MGMT: variants seen among roughly 807,000 people sequenced by gnomAD.
MGMT encodes O-6-methylguanine-DNA methyltransferase.
Under a neutral mutation model 15.9 loss-of-function variants are expected in MGMT, and 14 were observed. That is an observed-to-expected ratio of 0.88 (90% CI 0.58 to 1.37). The LOEUF is 1.37. MGMT is among the 40% of genes most tolerant of loss of function. The pLI is 0.00. For synonymous variants in MGMT, 130 were observed against 118.2 expected (o/e 1.10, Z -0.65); for missense variants, 282 against 268.1 (o/e 1.05, Z -0.36).
intron 2 of MGMT, among the ~76,000 whole-genome samples, chr10:129,574,317 T>G (rs535754455): frequency 3.0e-4 from 45 of 152,350 alleles, no homozygotes; most frequent in East Asian, 3.9e-4. Flanking sequence ...GGCCTATGCC[T>G]TGGCAGCCCT....
chr10:129,675,784 G>A (rs935083063), intron 2 of MGMT, among the ~76,000 whole-genome samples: 5 of 152,154 alleles, frequency 3.3e-5, no homozygotes, highest in African/African-American at 7.2e-5. Context: ...AGGTGGTGTC[G>A]CCAAGGGAGC....
At chr10:129,626,075 G>A (rs1589900907) in intron 2 of MGMT, among the ~76,000 whole-genome samples, 1 of 152,292 alleles carries the variant, frequency 6.6e-6, no homozygotes, top group East Asian at 1.9e-4. Flanking sequence ...TGGGCAGAGT[G>A]GCGATTTGTA....
chr10:129,543,483 C>T (rs890363686), intron 2 of MGMT, among the ~76,000 whole-genome samples: 1 of 152,178 alleles, frequency 6.6e-6, no homozygotes, highest in East Asian at 1.9e-4. Flanking sequence ...CTGGGATTCA[C>T]TGTGAAATTG....
intron 1 of MGMT, among the ~76,000 whole-genome samples, chr10:129,504,752 C>A: frequency 6.6e-6 from 1 of 152,186 alleles, no homozygotes; most frequent in Non-Finnish European, 1.5e-5. Flanking sequence ...ACCTCACATG[C>A]CACCATGGGA....
chr10:129,703,594 C>T (rs556102726), intron 2 of MGMT, among the ~76,000 whole-genome samples: 1 of 152,316 alleles, frequency 6.6e-6, no homozygotes, highest in Admixed American at 6.5e-5. Flanking sequence ...CCAACCAATC[C>T]CACATCCCAG....
intron 2 of MGMT, among the ~76,000 whole-genome samples, chr10:129,647,718 A>G (rs1847413103): frequency 6.6e-6 from 1 of 152,224 alleles, no homozygotes; most frequent in Non-Finnish European, 1.5e-5. Flanking sequence ...CAACAGAAAT[A>G]CAAGTGTCTT....
intron 2 of MGMT, among the ~76,000 whole-genome samples, chr10:129,655,843 G>T (rs917658714): frequency 3.3e-5 from 5 of 152,168 alleles, no homozygotes; most frequent in Admixed American, 2.0e-4. Flanking sequence ...CAGCGCATGT[G>T]TTTCTGGAGG....
intron 2 of MGMT, chr10:129,700,144 A>G (rs796371763): frequency 6.6e-6 from 1 of 152,210 alleles, no homozygotes; most frequent in African/African-American, 2.4e-5. Flanking sequence ...GGTCAGTGCC[A>G]TCGTCATCAT....
At chr10:129,519,998 A>G (rs536764886) in intron 1 of MGMT, among the ~76,000 whole-genome samples, 2 of 152,114 alleles carry the variant, frequency 1.3e-5, no homozygotes, top group African/African-American at 4.8e-5. Context: ...GCAAGACCCT[A>G]TCTCTACCAA....
chr10:129,503,531 G>C (rs945627100), intron 1 of MGMT, among the ~76,000 whole-genome samples: 6 of 152,228 alleles, frequency 3.9e-5, no homozygotes, highest in African/African-American at 1.4e-4. Context: ...TGATATTATG[G>C]CTGGAAGGTG....
chr10:129,728,012 C>T (rs1349543930), intron 3 of MGMT, among the ~76,000 whole-genome samples: 1 of 152,078 alleles, frequency 6.6e-6, no homozygotes, highest in Non-Finnish European at 1.5e-5. Context: ...TCCCTCCAGG[C>T]CAAGAAGGCC....
At chr10:129,492,394 C>T (rs183482498) in intron 1 of MGMT, among the ~76,000 whole-genome samples, 29 of 152,146 alleles carry the variant, frequency 1.9e-4, no homozygotes, top group African/African-American at 6.3e-4. Flanking sequence ...TGAAGCAGGC[C>T]CTTCTCTCTC....
At chr10:129,527,685 G>A (rs1476921772) in intron 1 of MGMT, among the ~76,000 whole-genome samples, 3 of 152,128 alleles carry the variant, frequency 2.0e-5, no homozygotes, top group Non-Finnish European at 4.4e-5. Flanking sequence ...TCTGGTGGTT[G>A]TGGCTGCAGC....
chr10:129,702,646 G>A (rs1848112403), intron 2 of MGMT, among the ~76,000 whole-genome samples: 1 of 152,206 alleles, frequency 6.6e-6, no homozygotes, highest in Non-Finnish European at 1.5e-5. Flanking sequence ...TGAGGGTCTT[G>A]TCTCCTGCAC....
chr10:129,699,188 G>A (rs1405977016), intron 2 of MGMT, among the ~76,000 whole-genome samples: 1 of 151,868 alleles, frequency 6.6e-6, no homozygotes, highest in Admixed American at 6.6e-5. Flanking sequence ...GAGGTAAATA[G>A]GCTTTTTAAG....
At chr10:129,620,936 G>A (rs758021863) in intron 2 of MGMT, among the ~76,000 whole-genome samples, 16 of 151,740 alleles carry the variant, frequency 1.1e-4, no homozygotes, top group Admixed American at 3.9e-4. Flanking sequence ...TTACTATTGC[G>A]TTATTAGTGC....
At chr10:129,540,431 G>A (rs1440182678) in intron 2 of MGMT, among the ~76,000 whole-genome samples, 1 of 152,318 alleles carries the variant, frequency 6.6e-6, no homozygotes, top group African/African-American at 2.4e-5. Flanking sequence ...GACAACAGAC[G>A]TCCTTCCCTG....
intron 1 of MGMT, among the ~76,000 whole-genome samples, chr10:129,492,594 G>A (rs1271608969): frequency 1.3e-5 from 2 of 152,114 alleles, no homozygotes; most frequent in Admixed American, 6.5e-5. Context: ...TCCCCAATGG[G>A]CCACCCAGAG....
chr10:129,726,865 C>T (rs916112757), intron 3 of MGMT, among the ~76,000 whole-genome samples: 6 of 152,184 alleles, frequency 3.9e-5, no homozygotes, highest in African/African-American at 1.4e-4. Context: ...TCCTTTCTGT[C>T]ACTATAGGTT....
Sources: gnomAD v4.1 joint callset for allele counts (sites outside exome capture counted in the v4.1 genomes callset) on GRCh38, gnomAD v4.1.1 for gene constraint, MANE v1.5 for transcripts, NCBI Gene and HGNC (gene_info 2026-07-23, HGNC 2026-07-21) for gene names.